RALYL: variants seen among roughly 807,000 people sequenced by gnomAD.
RALYL encodes the protein RALY RNA binding protein like.
RALYL carries 29 observed loss-of-function variants against 35.1 expected under a neutral mutation model. The ratio of observed to expected loss-of-function variants is 0.83; its 90% CI spans 0.61 to 1.13. The LOEUF is 1.13. RALYL is among the 50% of genes most tolerant of loss of function. The pLI is 0.00. For synonymous variants in RALYL, 120 were observed against 127.6 expected (o/e 0.94, Z 0.40); for missense variants, 359 against 360.4 (o/e 1.00, Z 0.03).
chr8:84,473,064 G>A (rs2052973311), intron 1 of RALYL, among the ~76,000 whole-genome samples: 1 of 152,006 alleles, frequency 6.6e-6, no homozygotes, highest in Non-Finnish European at 1.5e-5. Flanking sequence ...TTACATTTTT[G>A]TGCATATCTG....
At chr8:84,831,704 T>C (rs1204076227) in intron 4 of RALYL, among the ~76,000 whole-genome samples, 7 of 151,992 alleles carry the variant, frequency 4.6e-5, no homozygotes, top group Non-Finnish European at 1.0e-4. Context: ...TTTTGAATAA[T>C]AGTAATAGGA....
intron 1 of RALYL, among the ~76,000 whole-genome samples, chr8:84,297,611 T>G (rs1840009250): frequency 1.3e-5 from 2 of 151,830 alleles, no homozygotes; most frequent in South Asian, 4.1e-4. Flanking sequence ...TTTAAGTTCT[T>G]TGAGAAATCT....
intron 8 of RALYL, among the ~76,000 whole-genome samples, chr8:84,895,339 CA>C (rs375792626): frequency 0.058 from 6,046 of 104,884 alleles, 203 homozygotes; most frequent in African/African-American, 0.13. Flanking sequence ...TGCACTATGA[CA>C]AAAAAAAAAA....
At chr8:84,383,182 C>A (rs1028392728) in intron 1 of RALYL, among the ~76,000 whole-genome samples, 4 of 151,760 alleles carry the variant, frequency 2.6e-5, no homozygotes, top group Non-Finnish European at 5.9e-5. Flanking sequence ...ATGTCAGAGA[C>A]CTTCAGTATT....
intron 1 of RALYL, among the ~76,000 whole-genome samples, chr8:84,426,791 A>G (rs772320340): frequency 3.9e-5 from 6 of 152,200 alleles, no homozygotes; most frequent in Non-Finnish European, 8.8e-5. Context: ...GCTATTATCT[A>G]TAAGTCAAAA....
intron 1 of RALYL, among the ~76,000 whole-genome samples, chr8:84,500,791 G>C (rs916259756): frequency 6.6e-6 from 1 of 152,156 alleles, no homozygotes; most frequent in Non-Finnish European, 1.5e-5. Flanking sequence ...GGTGGCCTGG[G>C]AGCTAGGTTT....
At chr8:84,236,169 G>A (rs1056040625) in intron 1 of RALYL, among the ~76,000 whole-genome samples, 8 of 151,998 alleles carry the variant, frequency 5.3e-5, no homozygotes, top group African/African-American at 9.7e-5. Flanking sequence ...AGTTTGCAAC[G>A]TATATATTAC....
chr8:84,490,079 ATGTGTGTGTGTGTGTG>A (rs143193843), intron 1 of RALYL, among the ~76,000 whole-genome samples: 74 of 144,212 alleles, frequency 5.1e-4, no homozygotes, highest in Non-Finnish European at 5.6e-4. Context: ...GCTTGCGTGC[ATGTGTGTGTGTGTGTG>A]TGTGTGTGTG....
At chr8:84,616,811 C>G (rs79969347) in intron 2 of RALYL, among the ~76,000 whole-genome samples, 4 of 151,770 alleles carry the variant, frequency 2.6e-5, no homozygotes, top group East Asian at 1.9e-4. Flanking sequence ...TCTACATATG[C>G]CTAGTCAGTT....
chr8:84,319,241 A>G (rs925740352), intron 1 of RALYL, among the ~76,000 whole-genome samples: 1 of 152,132 alleles, frequency 6.6e-6, no homozygotes, highest in Non-Finnish European at 1.5e-5. Context: ...CAACAGAATT[A>G]TTGTACTTAT....
rs80236852 is a variant in RALYL at position 84,734,164 on chromosome 8, T to C, written c.257-40415T>C. Among the ~76,000 whole-genome samples the C allele has an allele frequency of 9.2e-5, 14 of 152,318 alleles. No individual in the cohort carries two copies. In the East Asian group the frequency reaches 2.7e-3, roughly 29 times the overall value. Reference sequence around the variant, plus strand: ...GTGGGCAGCCACATTTATCTCTGTTTACTGCTGAATAGCTTTCATTGTTAA... The same window carrying C: ...GTGGGCAGCCACATTTATCTCTGTTCACTGCTGAATAGCTTTCATTGTTAA... On this transcript the variant is annotated intron_variant, in intron 2 of 8. Transcript: ENST00000521268.
chr8:84,515,866 C>T (rs2058020272), intron 1 of RALYL, among the ~76,000 whole-genome samples: 1 of 152,014 alleles, frequency 6.6e-6, no homozygotes, highest in Non-Finnish European at 1.5e-5. Flanking sequence ...GTGATTGCTC[C>T]TGTTCGGAAT....
At chr8:84,622,541 A>G (rs1168884006) in intron 2 of RALYL, among the ~76,000 whole-genome samples, 1 of 152,174 alleles carries the variant, frequency 6.6e-6, no homozygotes, top group Admixed American at 6.5e-5. Flanking sequence ...GAAAAGAGGG[A>G]TGTCCTCAGG....
At chr8:84,426,641 A>G (rs1031610437) in intron 1 of RALYL, among the ~76,000 whole-genome samples, 1 of 152,174 alleles carries the variant, frequency 6.6e-6, no homozygotes, top group African/African-American at 2.4e-5. Context: ...AAACTGATTT[A>G]AAAATGGGCA....
At chr8:84,238,075 C>T (rs918830512) in intron 1 of RALYL, among the ~76,000 whole-genome samples, 2 of 151,502 alleles carry the variant, frequency 1.3e-5, no homozygotes, top group East Asian at 1.9e-4. Context: ...AATTAATAAC[C>T]GTAATGTTAA....
intron 2 of RALYL, among the ~76,000 whole-genome samples, chr8:84,568,801 G>C (rs887702328): frequency 3.4e-5 from 5 of 147,308 alleles, no homozygotes; most frequent in African/African-American, 5.0e-5. Context: ...CTGATGGCCA[G>C]TGATGATGAG....
chr8:84,553,247 T>G (rs1053594297), intron 2 of RALYL, among the ~76,000 whole-genome samples: 1 of 152,162 alleles, frequency 6.6e-6, no homozygotes, highest in Non-Finnish European at 1.5e-5. Context: ...CTGTAACCTC[T>G]AATACCTGGG....
At chr8:84,435,062 G>A (rs2047555646) in intron 1 of RALYL, among the ~76,000 whole-genome samples, 1 of 152,086 alleles carries the variant, frequency 6.6e-6, no homozygotes, top group African/African-American at 2.4e-5. Flanking sequence ...GAAGGAGAAT[G>A]CATTAGTCTC....
intron 2 of RALYL, among the ~76,000 whole-genome samples, chr8:84,645,057 TC>T (rs1827197743): frequency 6.6e-6 from 1 of 151,974 alleles, no homozygotes; most frequent in East Asian, 1.9e-4. Flanking sequence ...GCCAAGTTTT[TC>T]CTTTGTGTAT....
Sources: allele counts gnomAD v4.1 joint callset (sites outside exome capture counted in the v4.1 genomes callset), GRCh38; gene constraint gnomAD v4.1.1; transcripts MANE v1.5; gene names NCBI Gene and HGNC (gene_info 2026-07-23, HGNC 2026-07-21).